MARCHF1: variants seen among roughly 807,000 people sequenced by gnomAD.
MARCHF1 encodes the protein membrane associated ring-CH-type finger 1, also known as E3 ubiquitin-protein ligase MARCHF1.
In MARCHF1, 40 loss-of-function variants were observed where a neutral mutation model predicts 54.2. The observed-to-expected ratio is 0.74, with a 90% CI of 0.57 to 0.96. MARCHF1 has a LOEUF of 0.96. Among genes scored for constraint, MARCHF1 ranks in the 40% least tolerant of loss-of-function variants. The probability of loss-of-function intolerance (pLI) is 0.00; values close to 1 mark genes in which losing one functional copy is unlikely to be tolerated. For missense variants in MARCHF1, 586 were observed against 656.5 expected, an observed-to-expected ratio of 0.89 and a Z score of 1.17; for synonymous variants, 236 against 236.3, an observed-to-expected ratio of 1.00 and a Z score of 0.01.
At chr4:164,170,867 A>G (rs922272893) in intron 1 of MARCHF1, among the ~76,000 whole-genome samples, 21 of 152,182 alleles carry the variant, frequency 1.4e-4, no homozygotes, top group African/African-American at 5.1e-4. Context: ...AAGCCATTAC[A>G]ATATCCTGGT....
At chr4:164,183,988 G>A (rs1005574068) in intron 1 of MARCHF1, among the ~76,000 whole-genome samples, 2 of 152,160 alleles carry the variant, frequency 1.3e-5, no homozygotes, top group Non-Finnish European at 2.9e-5. Context: ...CCAGGAAGAG[G>A]TTCGCTTTAG....
At chr4:164,013,954 G>A (rs899747205) in intron 2 of MARCHF1, among the ~76,000 whole-genome samples, 1 of 151,974 alleles carries the variant, frequency 6.6e-6, no homozygotes, top group Non-Finnish European at 1.5e-5. Context: ...CAGGATGCAG[G>A]TGGATCATGA....
chr4:163,990,534 T>G (rs2110891541), intron 2 of MARCHF1, among the ~76,000 whole-genome samples: 1 of 152,316 alleles, frequency 6.6e-6, no homozygotes, highest in Admixed American at 6.5e-5. Context: ...ATCATCATAC[T>G]TAAGCTTACA....
intron 4 of MARCHF1, among the ~76,000 whole-genome samples, chr4:163,803,000 C>T (rs1748123988): frequency 6.6e-6 from 1 of 152,150 alleles, no homozygotes; most frequent in African/African-American, 2.4e-5. Flanking sequence ...TATCAAGCCT[C>T]ATCCTAAAGA....
At chr4:164,181,693 A>AT (rs1730838544) in intron 1 of MARCHF1, among the ~76,000 whole-genome samples, 1 of 152,154 alleles carries the variant, frequency 6.6e-6, no homozygotes, top group Admixed American at 6.6e-5. Flanking sequence ...AATAGATGTG[A>AT]TAAGCGCTGC....
In MARCHF1 at chr4:163,620,606, C is replaced by CACAGAG. The variant is rs1282901525; in HGVS notation, c.163-7214_163-7213insCTCTGT. 1.4e-3 allele frequency among the ~76,000 whole-genome samples: 78 copies of CACAGAG among 56,928 alleles called. 1 individual carries two copies. The highest frequency in any genetic ancestry group is 3.2e-3 in the East Asian group (6 of 1,894). 37.3% of individuals were successfully genotyped at this position (56,928 alleles called of 152,430 possible). ...ACACACACACACACACACACACACA[C>CACAGAG]AGAGAGAGAGAGAGAGAGAGAGAGA... On this transcript the variant is annotated intron_variant, in intron 5 of 9. Coordinates refer to ENST00000514618, the MANE Select transcript of MARCHF1 (RefSeq NM_001394959.1).
intron 1 of MARCHF1, among the ~76,000 whole-genome samples, chr4:164,262,214 A>G (rs1430165746): frequency 6.6e-6 from 1 of 152,028 alleles, no homozygotes; most frequent in Non-Finnish European, 1.5e-5. Context: ...TGATAGGGAG[A>G]AGATGCTTAT....
intron 3 of MARCHF1, among the ~76,000 whole-genome samples, chr4:163,959,490 G>A (rs776894475): frequency 1.3e-5 from 2 of 151,858 alleles, no homozygotes; most frequent in Non-Finnish European, 2.9e-5. Flanking sequence ...GAACACAATA[G>A]AGAGCCCAGG....
intron 8 of MARCHF1, among the ~76,000 whole-genome samples, chr4:163,580,757 T>G (rs1360451674): frequency 2.0e-5 from 3 of 152,220 alleles, no homozygotes; most frequent in Non-Finnish European, 4.4e-5. Context: ...ATGACTTGTT[T>G]TAAAAGATTT....
chr4:164,282,621 A>G (rs766600213), intron 1 of MARCHF1, among the ~76,000 whole-genome samples: 1 of 151,162 alleles, frequency 6.6e-6, no homozygotes, highest in Non-Finnish European at 1.5e-5. Context: ...AAAATACTCA[A>G]TTGGTCTTTT....
At chr4:164,027,286 T>C (rs762465133) in intron 2 of MARCHF1, among the ~76,000 whole-genome samples, 7 of 129,726 alleles carry the variant, frequency 5.4e-5, no homozygotes, top group Non-Finnish European at 9.4e-5. Context: ...AAAGCAATCC[T>C]AAGCATAAAG....
intron 5 of MARCHF1, among the ~76,000 whole-genome samples, chr4:163,638,173 C>T (rs189370940): frequency 0.016 from 2,390 of 148,224 alleles, 31 homozygotes; most frequent in Non-Finnish European, 0.024. Flanking sequence ...AGCGCACCAG[C>T]ATGGCACATG....
At chr4:163,983,915 A>G (rs913758452) in intron 3 of MARCHF1, among the ~76,000 whole-genome samples, 1 of 151,840 alleles carries the variant, frequency 6.6e-6, no homozygotes, top group African/African-American at 2.4e-5. Flanking sequence ...CTGAGACTAA[A>G]TATGTTTTTT....
At chr4:164,171,450 T>C (rs1467384418) in intron 1 of MARCHF1, among the ~76,000 whole-genome samples, 1 of 152,294 alleles carries the variant, frequency 6.6e-6, no homozygotes, top group South Asian at 2.1e-4. Flanking sequence ...CTTGGTGCCA[T>C]TGAATTATCA....
intron 1 of MARCHF1, among the ~76,000 whole-genome samples, chr4:164,116,305 T>C (rs1196602420): frequency 6.6e-6 from 1 of 152,220 alleles, no homozygotes; most frequent in Non-Finnish European, 1.5e-5. Flanking sequence ...CTATGCATGC[T>C]GTACTAAATA....
chr4:163,712,880 A>C (rs1332536497), intron 4 of MARCHF1, among the ~76,000 whole-genome samples: 3 of 152,164 alleles, frequency 2.0e-5, no homozygotes, highest in African/African-American at 7.2e-5. Flanking sequence ...GTCTGGAGTC[A>C]CAAGTCTTAA....
chr4:164,303,482 G>T (rs1734617613), intron 1 of MARCHF1, among the ~76,000 whole-genome samples: 2 of 152,182 alleles, frequency 1.3e-5, no homozygotes, highest in African/African-American at 4.8e-5. Context: ...CCTAGCCTTT[G>T]ATAGGATTAA....
In MARCHF1 at chr4:163,610,647, C is replaced by T. The variant is rs114186180; in HGVS notation, c.1010+1624G>A. On this transcript the variant is annotated intron_variant, in intron 7 of 9. Coordinates refer to ENST00000514618, the MANE Select transcript of MARCHF1 (RefSeq NM_001394959.1). ...GACTAGAAAGAGTGGTTTAGTCCAT[C>T]CCCTAACTTTTCAGCAAACATACAT... 2.5e-3 allele frequency among the ~76,000 whole-genome samples: 379 copies of T among 152,104 alleles called. 3 individuals carry two copies. Among genetic ancestry groups the T allele is most frequent in the African/African-American group, 8.7e-3 (361 of 41,508 alleles).
intron 2 of MARCHF1, among the ~76,000 whole-genome samples, chr4:164,080,042 A>C (rs1255736213): frequency 6.6e-6 from 1 of 152,170 alleles, no homozygotes; most frequent in African/African-American, 2.4e-5. Flanking sequence ...TTAAATTGAC[A>C]ATGTGCCAAT....
Sources: allele counts gnomAD v4.1 joint callset (sites outside exome capture counted in the v4.1 genomes callset), GRCh38; gene constraint gnomAD v4.1.1; transcripts MANE v1.5; gene names NCBI Gene and HGNC (gene_info 2026-07-23, HGNC 2026-07-21).